USP32: variants seen among roughly 807,000 people sequenced by gnomAD.
USP32 encodes ubiquitin specific peptidase 32.
Under a neutral mutation model 204.8 loss-of-function variants are expected in USP32, and 59 were observed. That is an observed-to-expected ratio of 0.29 (90% CI 0.23 to 0.36). USP32 has a LOEUF of 0.36. Among genes scored for constraint, USP32 ranks in the 10% least tolerant of loss-of-function variants. The pLI is 1.00. For missense variants in USP32, 1,160 were observed against 1,946.4 expected (o/e 0.60, Z 7.60); for synonymous variants, 517 against 678.4 (o/e 0.76, Z 3.70).
At chr17:60,404,900 G>A (rs1323302484) in intron 1 of USP32, among the ~76,000 whole-genome samples, 1 of 152,128 alleles carries the variant, frequency 6.6e-6, no homozygotes, top group Non-Finnish European at 1.5e-5. Context: ...GTTTGGGTGG[G>A]TGCGATGACT....
rs140382321 is a variant in USP32, at chr17:60,355,798, T to C, written c.59-10190A>G. On this transcript the variant is annotated intron_variant, in intron 1 of 33. Coordinates refer to ENST00000300896, the MANE Select transcript of USP32 (RefSeq NM_032582.4). Reference sequence around the variant, plus strand: ...CTGCAGTCAGCCATGATCATGCCACTGCACTCCAGGCTGAGTGACAGCTCA... The same window carrying C: ...CTGCAGTCAGCCATGATCATGCCACCGCACTCCAGGCTGAGTGACAGCTCA... 3.6e-3 allele frequency among the ~76,000 whole-genome samples: 454 copies of C among 127,098 alleles called. 2 individuals are homozygous for C. The highest frequency in any genetic ancestry group is 0.012 in the Middle Eastern group (2 of 170). The allele number at this position is 127,098 out of a possible 152,430, so 83.4% of individuals were successfully genotyped here. A position where few individuals can be genotyped will look rare whatever the true frequency, so the allele number is the denominator to read the frequency against.
At chr17:60,267,510 A>T (rs541203900) in intron 7 of USP32, among the ~76,000 whole-genome samples, 1 of 152,240 alleles carries the variant, frequency 6.6e-6, no homozygotes, top group South Asian at 2.1e-4. Context: ...TTTTTTTGGC[A>T]AAAACAATTT....
chr17:60,194,615 C>A (rs2084467780), intron 27 of USP32, among the ~76,000 whole-genome samples: 1 of 152,198 alleles, frequency 6.6e-6, no homozygotes, highest in South Asian at 2.1e-4. Flanking sequence ...AACATCAATG[C>A]AATTAATATA....
In USP32 at chr17:60,208,362, C is replaced by G. The variant is rs956716456; in HGVS notation, c.2774-152G>C. 6.5e-6 allele frequency: 5 copies of G among 769,938 alleles called. No individual in the cohort carries two copies. In the African/African-American group the frequency reaches 9.1e-5, roughly 14 times the overall value. The allele number at this position is 769,938 out of a possible 1,614,324, so 47.7% of individuals were successfully genotyped here. A position where few individuals can be genotyped will look rare whatever the true frequency, so the allele number is the denominator to read the frequency against. The stretch of plus-strand genomic sequence containing the variant: ...TGTGTAAACACTAAAACAGATGGTA[C>G]TTAGGGATAATATTAAGTGAAATCA... On this transcript the variant is annotated intron_variant, in intron 23 of 33. Coordinates refer to ENST00000300896, the MANE Select transcript of USP32 (RefSeq NM_032582.4).
rs550762765 is a variant in USP32 at position 60,386,808 on chromosome 17, C to G, written c.58+5074G>C. ...GAGTTCATCAATATATTTATCTCCT[C>G]TTGTCAGAGACACACCAAACCTACG... On this transcript the variant is annotated intron_variant, in intron 1 of 33. Coordinates refer to ENST00000300896, the MANE Select transcript of USP32 (RefSeq NM_032582.4). Among the ~76,000 whole-genome samples the G allele has an allele frequency of 3.9e-5, 6 of 152,328 alleles. 1 individual carries two copies. Among genetic ancestry groups the G allele is most frequent in the Admixed American group, 3.9e-4 (6 of 15,298 alleles).
chr17:60,411,616 C>A (rs1341098310), intron 1 of USP32, among the ~76,000 whole-genome samples: 1 of 151,476 alleles, frequency 6.6e-6, no homozygotes, highest in Non-Finnish European at 1.5e-5. Context: ...CTCAAGTGAT[C>A]CTCCCACCTC....
At chr17:60,313,644 A>C (rs1015831477) in intron 2 of USP32, among the ~76,000 whole-genome samples, 5 of 152,106 alleles carry the variant, frequency 3.3e-5, no homozygotes, top group African/African-American at 1.2e-4. Flanking sequence ...GTCAAGCAGA[A>C]GAGACACCTC....
At chr17:60,335,139 AT>A (rs1430228622) in intron 2 of USP32, among the ~76,000 whole-genome samples, 1 of 140,978 alleles carries the variant, frequency 7.1e-6, no homozygotes, top group African/African-American at 3.1e-5. Flanking sequence ...CACCCAGCTA[AT>A]TTTTTTTATT....
At chr17:60,362,167 C>G (rs1346852249) in intron 1 of USP32, among the ~76,000 whole-genome samples, 1 of 152,142 alleles carries the variant, frequency 6.6e-6, no homozygotes, top group East Asian at 1.9e-4. Context: ...GTTCCCCCAG[C>G]ATCCCTGAGC....
chr17:60,303,254 A>C (rs1240963412), intron 2 of USP32, among the ~76,000 whole-genome samples: 1 of 152,192 alleles, frequency 6.6e-6, no homozygotes, highest in East Asian at 1.9e-4. Context: ...AGAAGAAAAT[A>C]ACAGGGAAAA....
chr17:60,242,538 G>A (rs1272517542), intron 11 of USP32, among the ~76,000 whole-genome samples: 2 of 152,116 alleles, frequency 1.3e-5, no homozygotes, highest in African/African-American at 4.8e-5. Flanking sequence ...AGCCTCATGA[G>A]TAGCTGAGAC....
chr17:60,383,265 A>G (rs2089677166), intron 1 of USP32, among the ~76,000 whole-genome samples: 1 of 152,044 alleles, frequency 6.6e-6, no homozygotes, highest in South Asian at 2.1e-4. Flanking sequence ...TTTAAGCACA[A>G]ACTTTTTAAA....
chr17:60,258,285 T>G (rs1444455354), intron 9 of USP32: 1 of 174,340 alleles, frequency 5.7e-6, no homozygotes, highest in Non-Finnish European at 1.4e-5. Context: ...GCAAAAAGAA[T>G]TAAGAGAAAA....
Position 60,194,175 on chromosome 17 carries a change from C to G in USP32, c.3435-1245G>C, listed in dbSNP as rs571953196. On this transcript the variant is annotated intron_variant, in intron 27 of 33. Transcript: ENST00000300896. ...CCTCCCACATCAGCCTCCCAAGTAG[C>G]TAGGATTACAGGCACGCAACACCAT... Among the ~76,000 whole-genome samples the G allele has an allele frequency of 5.9e-5, 9 of 152,146 alleles. No homozygotes were observed. The East Asian group carries it at 1.7e-3, about 29-fold the overall frequency.
rs2084953411 is a variant in USP32 at position 60,211,045 on chromosome 17, T to C, written c.2392A>G (p.Thr798Ala). 6.2e-7 allele frequency: 1 copy of C among 1,611,932 alleles called. No homozygotes were observed. The highest frequency in any genetic ancestry group is 1.7e-5 in the Admixed American group (1 of 59,884). ...TTTAATGGGGCAACATTCTTCTGAG[T>C]TCCACTCCAAAGTTCCTGCACTAAA... ...GDLVQELWSGTQKNVAPLKLR... is the reference protein window; with the variant it reads ...GDLVQELWSGAQKNVAPLKLR... The change falls in exon 21 of 34, where the codon ACT (threonine) becomes GCT (alanine). Residue 798 changes from threonine to alanine, a missense_variant. Physicochemically the swap from Thr to Ala is moderately conservative, Grantham distance 58. Around this residue, in one of 8 missense-constraint regions of USP32, gnomAD observed 132 missense variants for 432.8 expected, o/e 0.30. Transcript: ENST00000300896.
At chr17:60,247,340 C>G (rs571512332) in intron 11 of USP32, among the ~76,000 whole-genome samples, 54 of 151,702 alleles carry the variant, frequency 3.6e-4, no homozygotes, top group Admixed American at 3.4e-3. Context: ...CCACCATACC[C>G]AACTAGTTTT....
intron 12 of USP32, 76 bp from the exon 13 acceptor site, chr17:60,226,307 A>C: frequency 2.4e-5 from 32 of 1,314,806 alleles, no homozygotes; most frequent in Non-Finnish European, 3.2e-5. Flanking sequence ...AACAAATCTC[A>C]CAATTATCTA....
intron 18 of USP32, 63 bp from the exon 19 acceptor site, chr17:60,212,161 T>A: frequency 2.8e-6 from 2 of 711,496 alleles, no homozygotes; most frequent in East Asian, 4.5e-5. Flanking sequence ...ATTCGATTGC[T>A]TTTTTTTTTT....
intron 11 of USP32, among the ~76,000 whole-genome samples, chr17:60,240,904 T>A (rs910666832): frequency 1.3e-5 from 2 of 152,214 alleles, no homozygotes. Context: ...CTGCCTGCCT[T>A]TCCATCCTGG....
Sources: gnomAD v4.1 joint callset for allele counts (sites outside exome capture counted in the v4.1 genomes callset) on GRCh38, gnomAD v4.1.1 for gene constraint, gnomAD v4.1.1 regional missense constraint, MANE v1.5 for transcripts, NCBI Gene and HGNC (gene_info 2026-07-23, HGNC 2026-07-21) for gene names.